KNTC1: variants seen among roughly 807,000 people sequenced by gnomAD.
The protein encoded by KNTC1 is kinetochore-associated protein 1.
In KNTC1, 253 loss-of-function variants were observed where a neutral mutation model predicts 314.4. That is an observed-to-expected ratio of 0.80 (90% CI 0.73 to 0.89). The LOEUF (loss-of-function observed/expected upper bound fraction) is 0.89. KNTC1 is among the 40% of genes least tolerant of loss of function. KNTC1 has a pLI of 0.00. For synonymous variants in KNTC1, 901 were observed against 901.4 expected, an observed-to-expected ratio of 1.00 and a Z score of 0.01; for missense variants, 2,475 against 2,572.9, an observed-to-expected ratio of 0.96 and a Z score of 0.82.
chr12:122,554,206 C>T (rs1318610074), intron 16 of KNTC1, among the ~76,000 whole-genome samples: 2 of 149,850 alleles, frequency 1.3e-5, no homozygotes, highest in Admixed American at 6.7e-5. Flanking sequence ...GCTGGGATTA[C>T]AGGCATGAGC....
At chr12:122,614,736 C>T (rs1873583050) in intron 55 of KNTC1, among the ~76,000 whole-genome samples, 1 of 151,924 alleles carries the variant, frequency 6.6e-6, no homozygotes, top group East Asian at 1.9e-4. Flanking sequence ...CAAAAATTAT[C>T]CAGGCATGAT....
intron 61 of KNTC1, among the ~76,000 whole-genome samples, chr12:122,622,239 CACA>C (rs1198208313): frequency 3.3e-5 from 5 of 152,136 alleles, no homozygotes; most frequent in Non-Finnish European, 7.3e-5. Flanking sequence ...TCTCAAAGTG[CACA>C]ACAACAATTA....
chr12:122,561,940 A>C lies in KNTC1; in HGVS notation c.1508A>C (p.Lys503Thr), dbSNP rs561071987. ...AKTRLLKKED[K>T]TALIYSDGLK... ...ACTTAGCTTTTGAAGAAAGAAGATA[A>C]AACTGCTCTCATTTATTCTGATGGC... The change falls in exon 19 of 64, where the codon AAA becomes ACA. Residue 503 changes from lysine to threonine, a missense_variant. Lys to Thr is a moderately conservative substitution (Grantham distance 78). Transcript: ENST00000333479. 50 of 1,592,526 alleles carry C rather than the reference A, an allele frequency of 3.1e-5. 2 individuals carry two copies. In the South Asian group the frequency reaches 5.5e-4, roughly 18 times the overall value.
chr12:122,558,641 G>C (rs1472551879), intron 18 of KNTC1, among the ~76,000 whole-genome samples: 1 of 152,002 alleles, frequency 6.6e-6, no homozygotes, highest in Non-Finnish European at 1.5e-5. Flanking sequence ...TACTTAGGGA[G>C]GCAGAGGTGA....
chr12:122,562,990 C>T (rs1964081534), intron 20 of KNTC1, among the ~76,000 whole-genome samples: 1 of 148,056 alleles, frequency 6.8e-6, no homozygotes, highest in African/African-American at 2.5e-5. Flanking sequence ...GCCTGGGCGA[C>T]AGAGCAAGAC....
chr12:122,589,706 G>C (rs951054001), intron 40 of KNTC1, among the ~76,000 whole-genome samples: 1 of 150,798 alleles, frequency 6.6e-6, no homozygotes, highest in Non-Finnish European at 1.5e-5. Context: ...TCTTGGCCTC[G>C]AGCAATCCTT....
At chr12:122,589,471 G>GT (rs11352437) in intron 40 of KNTC1, among the ~76,000 whole-genome samples, 12,634 of 126,756 alleles carry the variant, frequency 0.1, 738 homozygotes, top group Middle Eastern at 0.14. Context: ...AAAAAATTGT[G>GT]TTTTTTTTTT....
chr12:122,624,295 G>A (rs1214709664), intron 62 of KNTC1, among the ~76,000 whole-genome samples: 1 of 150,002 alleles, frequency 6.7e-6, no homozygotes, highest in Non-Finnish European at 1.5e-5. Flanking sequence ...TTGAAATAGG[G>A]TCTTGCTTTG....
At chr12:122,601,439 T>G (rs933871892) in intron 44 of KNTC1, 97 bp from the exon 45 acceptor site, 1 of 1,099,372 alleles carries the variant, frequency 9.1e-7, no homozygotes, top group Non-Finnish European at 1.3e-6. Context: ...TGCAGTGACA[T>G]TTTTATATTT....
intron 62 of KNTC1, 83 bp from the exon 63 acceptor site, chr12:122,624,515 A>G: frequency 1.1e-6 from 1 of 898,766 alleles, no homozygotes; most frequent in Non-Finnish European, 1.7e-6. Context: ...CCATCTGTAC[A>G]TCTTGGCCTC....
chr12:122,613,966 A>G (rs1181060004), intron 55 of KNTC1, among the ~76,000 whole-genome samples: 1 of 152,044 alleles, frequency 6.6e-6, no homozygotes, highest in Non-Finnish European at 1.5e-5. Flanking sequence ...AGTAGCTGGG[A>G]TTATAGGCGC....
chr12:122,578,211 G>C (rs916083103), intron 31 of KNTC1, among the ~76,000 whole-genome samples: 1 of 152,076 alleles, frequency 6.6e-6, no homozygotes, highest in Non-Finnish European at 1.5e-5. Flanking sequence ...TTTTGCAGAT[G>C]AGGAATACTT....
intron 3 of KNTC1, among the ~76,000 whole-genome samples, chr12:122,537,126 T>G (rs936751640): frequency 5.9e-5 from 9 of 152,212 alleles, no homozygotes; most frequent in Non-Finnish European, 8.8e-5. Context: ...CCCTCTTTGC[T>G]TTGTTTTCTG....
rs1962870626 is a variant in KNTC1 at position 122,547,499 on chromosome 12, A to G, written c.901A>G (p.Thr301Ala). The change falls in exon 11 of 64, where the codon ACA (threonine) becomes GCA (alanine). Residue 301 changes from threonine (T) to alanine (A), a missense_variant. Thr to Ala is a moderately conservative substitution (Grantham distance 58). Coordinates refer to ENST00000333479, the MANE Select transcript of KNTC1 (RefSeq NM_014708.6). The part of the protein sequence containing the change: ...SLHVEEFLLT[T>A]EADSPSSVTW... The stretch of plus-strand genomic sequence containing the variant: ...TCACGTAGAAGAGTTTCTTCTTACT[A>G]CAGAAGCAGACTCTCCTTCATCAGT... 1.2e-6 allele frequency: 2 copies of G among 1,610,166 alleles called. No individual in the cohort carries two copies. The highest frequency in any genetic ancestry group is 1.7e-6 in the Non-Finnish European group (2 of 1,176,820).
chr12:122,569,579 A>G (rs980512921), intron 21 of KNTC1, 102 bp from the exon 22 acceptor site: 12 of 943,464 alleles, frequency 1.3e-5, no homozygotes, highest in Non-Finnish European at 1.6e-5. Context: ...TTAAATCAGT[A>G]GGCTACTCCT....
intron 4 of KNTC1, among the ~76,000 whole-genome samples, chr12:122,539,263 T>C (rs1314492125): frequency 6.6e-6 from 1 of 152,208 alleles, no homozygotes; most frequent in Non-Finnish European, 1.5e-5. Flanking sequence ...ATATGAAGCC[T>C]TTGGGGTCTT....
intron 59 of KNTC1, chr12:122,620,185 A>G (rs966534663): frequency 1.7e-5 from 3 of 177,352 alleles, no homozygotes; most frequent in African/African-American, 7.2e-5. Context: ...AAAAAAAAAA[A>G]AGGTTTTGAG....
At chr12:122,612,889 C>A (rs1167022007) in intron 53 of KNTC1, 13 of 504,852 alleles carry the variant, frequency 2.6e-5, no homozygotes, top group Admixed American at 3.6e-5. Flanking sequence ...ATCATGAAAA[C>A]AGCTTTGACC....
chr12:122,529,629 CTGTT>C (rs779781965), intron 1 of KNTC1, among the ~76,000 whole-genome samples: 1 of 152,208 alleles, frequency 6.6e-6, no homozygotes, highest in Non-Finnish European at 1.5e-5. Context: ...TAAACCTACA[CTGTT>C]TGCTGCTATT....
Sources: allele counts gnomAD v4.1 joint callset (sites outside exome capture counted in the v4.1 genomes callset), GRCh38; gene constraint gnomAD v4.1.1; transcripts MANE v1.5; gene names NCBI Gene and HGNC (gene_info 2026-07-23, HGNC 2026-07-21).